Variants in CCDC141 observed in about 807,000 individuals in gnomAD.
CCDC141 encodes coiled-coil domain-containing protein 141.
In CCDC141, 168 loss-of-function variants were observed where a neutral mutation model predicts 181.0. That is an observed-to-expected ratio of 0.93 (90% CI 0.82 to 1.05). The LOEUF is 1.05. Ranked by LOEUF, CCDC141 falls within the 50% of genes least tolerant of loss-of-function variation. CCDC141 has a pLI of 0.00. For synonymous variants in CCDC141, 666 were observed against 642.3 expected, an observed-to-expected ratio of 1.04 and a Z score of -0.56; for missense variants, 1,902 against 1,788.5, an observed-to-expected ratio of 1.06 and a Z score of -1.14.
intron 2 of CCDC141, among the ~76,000 whole-genome samples, chr2:178,993,645 C>T (rs1193727955): frequency 6.6e-6 from 1 of 152,142 alleles, no homozygotes; most frequent in African/African-American, 2.4e-5. Context: ...TCATGCCTTC[C>T]CAACAGTCCC....
intron 3 of CCDC141, among the ~76,000 whole-genome samples, chr2:178,975,626 A>G (rs750982883): frequency 6.6e-6 from 1 of 152,182 alleles, no homozygotes; most frequent in Non-Finnish European, 1.5e-5. Flanking sequence ...ACTCACTTAG[A>G]GAGAAGGTAG....
intron 5 of CCDC141, among the ~76,000 whole-genome samples, chr2:178,954,120 T>C (rs1049825514): frequency 1.3e-5 from 2 of 152,232 alleles, no homozygotes; most frequent in Admixed American, 6.5e-5. Context: ...CTCCTAGACG[T>C]CCTTGACACT....
intron 16 of CCDC141, 103 bp from the exon 17 acceptor site, chr2:178,866,019 A>G: frequency 1.1e-6 from 1 of 914,086 alleles, no homozygotes; most frequent in Non-Finnish European, 1.5e-6. Flanking sequence ...CACTTTTTAA[A>G]AAAAGAAATA....
chr2:179,004,721 T>C lies in CCDC141; in HGVS notation c.226-26046A>G, dbSNP rs971665741. 7.2e-5 allele frequency among the ~76,000 whole-genome samples: 11 copies of C among 152,274 alleles called. No individual in the cohort carries two copies. The East Asian group carries it at 2.1e-3, about 29-fold the overall frequency. On this transcript the variant is annotated intron_variant, in intron 2 of 23. Coordinates refer to ENST00000443758, the MANE Select transcript of CCDC141 (RefSeq NM_173648.4). ...TAAAATGCTTCCTAAATAAAGAACATTAAAGACTAAATTTTTTTTTTGTTT... is the reference window on the plus strand; with the variant it reads ...TAAAATGCTTCCTAAATAAAGAACACTAAAGACTAAATTTTTTTTTTGTTT...
intron 2 of CCDC141, among the ~76,000 whole-genome samples, chr2:179,041,280 C>T (rs113806916): frequency 3.2e-4 from 48 of 152,052 alleles, no homozygotes; most frequent in Non-Finnish European, 4.4e-4. Context: ...TTAATAGAGA[C>T]GGGGTTTCAC....
intron 8 of CCDC141, among the ~76,000 whole-genome samples, chr2:178,896,215 T>C (rs1438962569): frequency 2.0e-5 from 3 of 152,198 alleles, no homozygotes; most frequent in African/African-American, 7.2e-5. Flanking sequence ...GCCTACCAAA[T>C]ACAGCAACTG....
intron 2 of CCDC141, 33 bp from the exon 3 acceptor site, chr2:178,978,708 T>A (rs1352648902): frequency 4.2e-6 from 6 of 1,442,400 alleles, no homozygotes; most frequent in Non-Finnish European, 5.5e-6. Flanking sequence ...TAAGGCAGGG[T>A]GTTAACTTAA....
At chr2:178,988,216 A>G (rs2154382032) in intron 2 of CCDC141, among the ~76,000 whole-genome samples, 1 of 151,744 alleles carries the variant, frequency 6.6e-6, no homozygotes, top group African/African-American at 2.4e-5. Context: ...AACTATCGCA[A>G]GAACAAAAAA....
intron 4 of CCDC141, among the ~76,000 whole-genome samples, chr2:178,962,176 G>A (rs1690435027): frequency 6.6e-6 from 1 of 152,164 alleles, no homozygotes; most frequent in Non-Finnish European, 1.5e-5. Flanking sequence ...GGAGTAAATA[G>A]CATTGTAAGT....
chr2:178,989,226 G>T (rs1202239650), intron 2 of CCDC141, among the ~76,000 whole-genome samples: 4 of 151,712 alleles, frequency 2.6e-5, no homozygotes, highest in African/African-American at 9.7e-5. Context: ...CCTTAGAATG[G>T]GAGAAAATGT....
intron 2 of CCDC141, among the ~76,000 whole-genome samples, chr2:178,990,074 G>A (rs1435401212): frequency 6.6e-6 from 1 of 151,064 alleles, no homozygotes; most frequent in Non-Finnish European, 1.5e-5. Flanking sequence ...GGGAGGCAAA[G>A]GTTATAGTGA....
intron 2 of CCDC141, among the ~76,000 whole-genome samples, chr2:178,982,228 A>G (rs368505275): frequency 6.6e-6 from 1 of 152,340 alleles, no homozygotes; most frequent in African/African-American, 2.4e-5. Context: ...AGAAGAAATG[A>G]TGCTAAAGCT....
chr2:178,923,214 C>T (rs1688776737), intron 6 of CCDC141, among the ~76,000 whole-genome samples: 1 of 150,228 alleles, frequency 6.7e-6, no homozygotes, highest in Non-Finnish European at 1.5e-5. Context: ...ACGCCATTCT[C>T]CTGCCTCAGC....
chr2:179,021,085 T>C (rs2154385769), intron 2 of CCDC141, among the ~76,000 whole-genome samples: 1 of 152,328 alleles, frequency 6.6e-6, no homozygotes, highest in South Asian at 2.1e-4. Flanking sequence ...GTAACCAAAA[T>C]GTAAGATAAT....
intron 2 of CCDC141, among the ~76,000 whole-genome samples, chr2:179,047,069 T>C (rs953543990): frequency 5.9e-5 from 9 of 152,212 alleles, no homozygotes; most frequent in Non-Finnish European, 1.3e-4. Flanking sequence ...ATATTATCCT[T>C]CCATAGTTTC....
chr2:178,918,041 C>A (rs918287938), intron 7 of CCDC141, among the ~76,000 whole-genome samples: 1 of 152,168 alleles, frequency 6.6e-6, no homozygotes, highest in African/African-American at 2.4e-5. Context: ...TATGATAATT[C>A]TCTTCCTCCA....
At chr2:178,827,271 G>C (rs1011808076), downstream of CCDC141, among the ~76,000 whole-genome samples, 3 of 152,026 alleles carry the variant, frequency 2.0e-5, no homozygotes, top group African/African-American at 7.2e-5. Context: ...CCAAGAATGT[G>C]GTCTATCTTG....
chr2:178,926,515 T>C (rs1378649100), intron 6 of CCDC141: 2 of 152,164 alleles, frequency 1.3e-5, no homozygotes, highest in African/African-American at 4.8e-5. Flanking sequence ...TCCTCACCCT[T>C]AGGCGCCTTG....
chr2:178,928,223 T>C (rs564739703), intron 6 of CCDC141, among the ~76,000 whole-genome samples: 128 of 152,092 alleles, frequency 8.4e-4, no homozygotes, highest in Middle Eastern at 3.4e-3. Flanking sequence ...TTGTGATGAG[T>C]GCAGTTTTGG....
Sources: allele counts gnomAD v4.1 joint callset (sites outside exome capture counted in the v4.1 genomes callset), GRCh38; gene constraint gnomAD v4.1.1; transcripts MANE v1.5; gene names NCBI Gene and HGNC (gene_info 2026-07-23, HGNC 2026-07-21).